FBLN7: variants seen among roughly 807,000 people sequenced by gnomAD.
FBLN7 encodes the protein fibulin 7, also known as fibulin-7.
Under a neutral mutation model 44.0 loss-of-function variants are expected in FBLN7, and 31 were observed. The ratio of observed to expected loss-of-function variants is 0.70; its 90% CI spans 0.53 to 0.95. The LOEUF (loss-of-function observed/expected upper bound fraction) is 0.95, where lower values mean the gene tolerates loss of function less well. Among genes scored for constraint, FBLN7 ranks in the 40% least tolerant of loss-of-function variants. FBLN7 has a pLI of 0.00. For missense variants in FBLN7, 573 were observed against 618.5 expected, an observed-to-expected ratio of 0.93 and a Z score of 0.78; for synonymous variants, 262 against 253.4, an observed-to-expected ratio of 1.03 and a Z score of -0.32.
At chr2:112,171,496 G>A (rs537279017) in intron 3 of FBLN7, among the ~76,000 whole-genome samples, 83 of 151,830 alleles carry the variant, frequency 5.5e-4, no homozygotes, top group African/African-American at 1.7e-3. Flanking sequence ...CCTTTCCCCC[G>A]AGACCTTTAA....
chr2:112,164,537 G>A (rs76062283), intron 2 of FBLN7, among the ~76,000 whole-genome samples: 469 of 152,318 alleles, frequency 3.1e-3, no homozygotes, highest in Non-Finnish European at 5.1e-3. Context: ...TGGAAACCTG[G>A]AGAGTGAGAA....
the FBLN7 span, among the ~76,000 whole-genome samples, chr2:112,204,395 AT>A: frequency 1.8e-4 from 27 of 152,182 alleles, no homozygotes; most frequent in African/African-American, 6.3e-4. Context: ...AAGAAAGGGT[AT>A]TTGAATAAAT....
intron 7 of FBLN7, among the ~76,000 whole-genome samples, chr2:112,186,353 G>A (rs374543720): frequency 2.6e-5 from 4 of 152,130 alleles, no homozygotes; most frequent in Non-Finnish European, 5.9e-5. Context: ...GAGAATACAC[G>A]TGATGGCCAG....
chr2:112,210,772 T>A, the FBLN7 span, among the ~76,000 whole-genome samples: 2 of 152,004 alleles, frequency 1.3e-5, no homozygotes, highest in Non-Finnish European at 2.9e-5. Flanking sequence ...TGTGTGTACA[T>A]TTATACATAC....
At chr2:112,170,136 GGAGGCT>G (rs1256794627) in intron 3 of FBLN7, among the ~76,000 whole-genome samples, 4 of 152,098 alleles carry the variant, frequency 2.6e-5, no homozygotes, top group African/African-American at 9.7e-5. Flanking sequence ...CAGCTACTTG[GGAGGCT>G]GAGGCAGAAG....
intron 1 of FBLN7, among the ~76,000 whole-genome samples, chr2:112,156,809 A>C (rs993725229): frequency 9.2e-5 from 14 of 152,218 alleles, no homozygotes; most frequent in Admixed American, 7.2e-4. Context: ...TGTCAAAAGC[A>C]TCCATTCAGT....
the FBLN7 span, among the ~76,000 whole-genome samples, chr2:112,231,170 C>G: frequency 6.6e-6 from 1 of 152,134 alleles, no homozygotes; most frequent in South Asian, 2.1e-4. Flanking sequence ...GGTACAACTT[C>G]TAATTCCACA....
chr2:112,224,360 C>A, the FBLN7 span, among the ~76,000 whole-genome samples: 1 of 152,056 alleles, frequency 6.6e-6, no homozygotes, highest in Non-Finnish European at 1.5e-5. Flanking sequence ...AACAAAGAAA[C>A]AAAAAGTCCA....
chr2:112,240,986 CGCGTGT>C, the FBLN7 span, among the ~76,000 whole-genome samples: 42 of 120,300 alleles, frequency 3.5e-4, no homozygotes, highest in South Asian at 1.0e-3. Flanking sequence ...TGTGTGTGTG[CGCGTGT>C]GTATGTGTGT....
At chr2:112,174,736 G>A (rs1682648324) in intron 3 of FBLN7, among the ~76,000 whole-genome samples, 1 of 152,082 alleles carries the variant, frequency 6.6e-6, no homozygotes, top group Non-Finnish European at 1.5e-5. Context: ...TTGAGACGGA[G>A]TCTCATTCTG....
At chr2:112,181,711 C>T (rs1170082558) in intron 4 of FBLN7, 28 bp from the exon 5 acceptor site, 1 of 1,365,882 alleles carries the variant, frequency 7.3e-7, no homozygotes, top group Non-Finnish European at 9.4e-7. Context: ...CGCCAGGGCC[C>T]GGCACTGAGC....
chr2:112,239,687 C>T, the FBLN7 span, among the ~76,000 whole-genome samples: 4 of 148,320 alleles, frequency 2.7e-5, no homozygotes, highest in African/African-American at 1.0e-4. Context: ...CAGGCTCAAG[C>T]GATTCCCTTG....
the FBLN7 span, among the ~76,000 whole-genome samples, chr2:112,224,021 C>T: frequency 4.6e-5 from 7 of 152,142 alleles, no homozygotes; most frequent in East Asian, 1.4e-3. Context: ...TGCCTGTAAT[C>T]CCAGCTACCC....
intron 1 of FBLN7, among the ~76,000 whole-genome samples, chr2:112,140,309 G>C (rs1003255634): frequency 2.0e-4 from 31 of 151,358 alleles, no homozygotes; most frequent in African/African-American, 7.5e-4. Context: ...CCAGGTCAGT[G>C]TCCCTCCTGC....
chr2:112,153,362 G>C (rs1009000466), intron 1 of FBLN7: 3 of 152,192 alleles, frequency 2.0e-5, no homozygotes, highest in African/African-American at 7.2e-5. Context: ...AGAAACCAGC[G>C]TGGGAGACGG....
chr2:112,228,397 G>T, the FBLN7 span, among the ~76,000 whole-genome samples: 1 of 152,066 alleles, frequency 6.6e-6, no homozygotes, highest in African/African-American at 2.4e-5. Context: ...AGCTACTCGG[G>T]ATGCTGAGGC....
chr2:112,218,413 A>G, the FBLN7 span, among the ~76,000 whole-genome samples: 2 of 152,288 alleles, frequency 1.3e-5, no homozygotes, highest in East Asian at 3.9e-4. Context: ...ATTAAGGTAT[A>G]GCATATTTTA....
intron 2 of FBLN7, among the ~76,000 whole-genome samples, chr2:112,160,787 C>G (rs573166086): frequency 1.3e-4 from 17 of 134,414 alleles, no homozygotes; most frequent in Non-Finnish European, 1.5e-4. Flanking sequence ...CACACGCACG[C>G]ACACGCACAC....
At chr2:112,184,723 A>G (rs1446975683) in intron 6 of FBLN7, among the ~76,000 whole-genome samples, 1 of 136,464 alleles carries the variant, frequency 7.3e-6, no homozygotes, top group Non-Finnish European at 1.6e-5. Context: ...ATATGTATAT[A>G]TATGTATATG....
Sources: allele counts gnomAD v4.1 joint callset (sites outside exome capture counted in the v4.1 genomes callset), GRCh38; gene constraint gnomAD v4.1.1; transcripts MANE v1.5; gene names NCBI Gene and HGNC (gene_info 2026-07-23, HGNC 2026-07-21).